SLC9A8: variants seen among roughly 807,000 people sequenced by gnomAD.
SLC9A8 encodes the protein solute carrier family 9 member A8, also known as sodium/hydrogen exchanger 8.
Under a neutral mutation model 66.6 loss-of-function variants are expected in SLC9A8, and 48 were observed. The observed-to-expected ratio is 0.72, with a 90% CI of 0.57 to 0.92. The LOEUF (loss-of-function observed/expected upper bound fraction) is 0.92. SLC9A8 is among the 40% of genes least tolerant of loss of function. SLC9A8 has a pLI of 0.00. For synonymous variants in SLC9A8, 274 were observed against 282.6 expected (o/e 0.97, Z 0.31); for missense variants, 599 against 747.3 (o/e 0.80, Z 2.31).
intron 10 of SLC9A8, among the ~76,000 whole-genome samples, chr20:49,870,958 C>G (rs1418237947): frequency 1.3e-5 from 2 of 152,176 alleles, no homozygotes; most frequent in Admixed American, 6.5e-5. Context: ...CTTTGGCCTC[C>G]CAAAGTCCTG....
At chr20:49,882,270 C>T (rs554255742) in intron 13 of SLC9A8, among the ~76,000 whole-genome samples, 2 of 152,354 alleles carry the variant, frequency 1.3e-5, no homozygotes, top group South Asian at 4.1e-4. Context: ...GTCCACGGGG[C>T]TGGAATTGGC....
rs117070620 is a variant in SLC9A8, at chr20:49,834,842, A to G, written c.290-4699A>G. 6.9e-4 allele frequency among the ~76,000 whole-genome samples: 105 copies of G among 152,306 alleles called. 1 individual carries two copies. In the East Asian group the frequency reaches 0.019, roughly 28 times the overall value. On this transcript the variant is annotated intron_variant, in intron 3 of 15. Transcript: ENST00000361573. ...GGTATACATTTAGAAGGGAAAAAGA[A>G]AGTTGAGGTTTTAGTAAAGCAGAAA...
intron 3 of SLC9A8, among the ~76,000 whole-genome samples, chr20:49,836,750 T>C (rs1275143234): frequency 1.3e-5 from 2 of 152,226 alleles, no homozygotes; most frequent in Non-Finnish European, 2.9e-5. Context: ...TTTTGAGGAA[T>C]TGCCAAACTG....
intron 13 of SLC9A8, among the ~76,000 whole-genome samples, chr20:49,883,003 C>T (rs1164927351): frequency 7.3e-6 from 1 of 137,754 alleles, no homozygotes; most frequent in Admixed American, 7.2e-5. Context: ...ACCATGCCCC[C>T]CCCCACCCCC....
rs1037057963 is a variant in SLC9A8, at chr20:49,886,048, C to T, written c.1492-704C>T. On this transcript the variant is annotated intron_variant, in intron 14 of 15. Coordinates refer to ENST00000361573, the MANE Select transcript of SLC9A8 (RefSeq NM_015266.3). The surrounding 1 kb of genome is among the most constrained non-coding windows in gnomAD (Gnocchi z 4.8). ...CCAGTGTTTGACAACCACTGCTTCA[C>T]AGCATCTAAATGCCCTCCCCTCCCC... 6.6e-6 allele frequency among the ~76,000 whole-genome samples: 1 copy of T among 152,194 alleles called. No individual in the cohort carries two copies. The highest frequency in any genetic ancestry group is 6.5e-5 in the Admixed American group (1 of 15,288).
chr20:49,817,152 A>G (rs1164096803), intron 2 of SLC9A8, among the ~76,000 whole-genome samples: 1 of 151,550 alleles, frequency 6.6e-6, no homozygotes, highest in Non-Finnish European at 1.5e-5. Context: ...CATCTCTACT[A>G]AAAATACAAA....
chr20:49,876,861 GAAA>G lies in SLC9A8; in HGVS notation c.1076-1115_1076-1113del, dbSNP rs1037843682. 7.2e-4 allele frequency among the ~76,000 whole-genome samples: 110 copies of G among 152,086 alleles called. 1 individual carries two copies. The highest frequency in any genetic ancestry group is 2.7e-3 in the African/African-American group (110 of 41,490). ...GAAAGATCACACAAATATTAGATAA[GAAA>G]AAAATTTCAGAGAGAGAAGGGGGGG... On this transcript the variant is annotated intron_variant, in intron 11 of 15. Transcript: ENST00000361573.
intron 14 of SLC9A8, among the ~76,000 whole-genome samples, chr20:49,885,884 A>G (rs2089872112): frequency 6.6e-6 from 1 of 152,186 alleles, no homozygotes; most frequent in Non-Finnish European, 1.5e-5. Context: ...TCCCCAGACT[A>G]GCAGCATCAC....
Position 49,875,561 on chromosome 20 carries a change from G to C in SLC9A8, c.1075+740G>C, listed in dbSNP as rs576832086. Among the ~76,000 whole-genome samples, 17 of 152,232 alleles carry C rather than the reference G, an allele frequency of 1.1e-4. No individual in the cohort carries two copies. In the East Asian group the frequency reaches 3.1e-3, roughly 28 times the overall value. ...ACCACGATGGCTTTGTCTTTAAGCA[G>C]TTTGTTCAAGTTCTTGTTCCCCCAC... On this transcript the variant is annotated intron_variant, in intron 11 of 15. Coordinates refer to ENST00000361573, the MANE Select transcript of SLC9A8 (RefSeq NM_015266.3).
Position 49,870,749 on chromosome 20 carries a change from T to C in SLC9A8, c.959-3956T>C, listed in dbSNP as rs574931498. On this transcript the variant is annotated intron_variant, in intron 10 of 15. Transcript: ENST00000361573. The stretch of plus-strand genomic sequence containing the variant: ...CAGGATCATGCTCTGTTACCCAGGC[T>C]GGAGTGCAGTGGCACAATCACGTCT... 2.6e-5 allele frequency among the ~76,000 whole-genome samples: 4 copies of C among 152,358 alleles called. No homozygotes were observed. In the South Asian group the frequency reaches 8.3e-4, roughly 32 times the overall value.
chr20:49,884,314 ACACACACACACACACACACACACC>A (rs2146777721), intron 14 of SLC9A8, among the ~76,000 whole-genome samples: 1 of 141,248 alleles, frequency 7.1e-6, no homozygotes, highest in Non-Finnish European at 1.5e-5. Flanking sequence ...ACACACACAC[ACACACACACACACACACACACACC>A]CCCCGGTCAT....
At chr20:49,884,950 G>A (rs975552869) in intron 14 of SLC9A8, among the ~76,000 whole-genome samples, 1 of 152,222 alleles carries the variant, frequency 6.6e-6, no homozygotes. Context: ...TCTAGTTCCC[G>A]TATTCTAGGC....
At chr20:49,874,342 G>A (rs1272670059) in intron 10 of SLC9A8, among the ~76,000 whole-genome samples, 2 of 152,150 alleles carry the variant, frequency 1.3e-5, no homozygotes, top group Non-Finnish European at 2.9e-5. Flanking sequence ...ATCCCTGGAT[G>A]TCAGTGATGG....
At position 49,856,420 on chromosome 20, in the gene SLC9A8, T is replaced by C. The variant is rs368801965; in HGVS notation, c.713+839T>C. ...ATAGGTGCCCTGCCTTAAGATGCTA[T>C]TGTGTAAACTCTACTTTGGACACTA... On this transcript the variant is annotated intron_variant, in intron 8 of 15. Transcript: ENST00000361573. Among the ~76,000 whole-genome samples the C allele has an allele frequency of 1.9e-4, 29 of 152,256 alleles. 1 individual carries two copies. The highest frequency in any genetic ancestry group is 1.1e-3 in the Admixed American group (17 of 15,290).
intron 6 of SLC9A8, 34 bp from the exon 7 acceptor site, chr20:49,850,776 G>A: frequency 6.3e-7 from 1 of 1,598,578 alleles, no homozygotes; most frequent in East Asian, 2.2e-5. Context: ...TTTTTTTTGT[G>A]TGTGTCTGTG....
intron 9 of SLC9A8, chr20:49,863,752 A>G (rs1299747506): frequency 6.6e-6 from 1 of 152,196 alleles, no homozygotes; most frequent in Non-Finnish European, 1.5e-5. Context: ...TGTCACCTTT[A>G]TTGCTGTAGA....
intron 15 of SLC9A8, 52 bp from the exon 16 acceptor site, chr20:49,887,777 C>T: frequency 7.0e-7 from 1 of 1,422,306 alleles, no homozygotes; most frequent in Non-Finnish European, 9.6e-7. Context: ...CCCCTCCCTT[C>T]CATGGCCCTG....
intron 5 of SLC9A8, among the ~76,000 whole-genome samples, chr20:49,848,622 T>C (rs1167636370): frequency 6.6e-6 from 1 of 152,218 alleles, no homozygotes; most frequent in Non-Finnish European, 1.5e-5. Flanking sequence ...TTCCTTAATT[T>C]TATGGAAATT....
chr20:49,834,209 A>G (rs1476745076), intron 3 of SLC9A8, among the ~76,000 whole-genome samples: 1 of 103,126 alleles, frequency 9.7e-6, no homozygotes, highest in East Asian at 2.6e-4. Flanking sequence ...ATATATATAT[A>G]TATATACACA....
Sources: gnomAD v4.1 joint callset for allele counts (sites outside exome capture counted in the v4.1 genomes callset) on GRCh38, gnomAD v4.1.1 for gene constraint, Gnocchi (gnomAD v3.1) non-coding constraint, MANE v1.5 for transcripts, NCBI Gene and HGNC (gene_info 2026-07-23, HGNC 2026-07-21) for gene names.